SYT1: variants seen among roughly 807,000 people sequenced by gnomAD.
The protein encoded by SYT1 is synaptotagmin-1.
A neutral mutation model predicts 44.8 loss-of-function variants in SYT1; 8 were observed. The observed-to-expected ratio is 0.18, with a 90% CI of 0.10 to 0.32. SYT1 has a LOEUF of 0.32. SYT1 is among the 10% of genes least tolerant of loss of function. The pLI is 1.00. For missense variants in SYT1, 286 were observed against 509.3 expected, an observed-to-expected ratio of 0.56 and a Z score of 4.22; for synonymous variants, 154 against 188.8, an observed-to-expected ratio of 0.82 and a Z score of 1.51.
intron 2 of SYT1, among the ~76,000 whole-genome samples, chr12:79,043,211 A>G (rs1873727546): frequency 6.7e-6 from 1 of 149,460 alleles, no homozygotes; most frequent in South Asian, 2.2e-4. Context: ...GATCTGTCTA[A>G]TGTTGACAGT....
chr12:79,065,344 G>C (rs1179117190), intron 3 of SYT1, among the ~76,000 whole-genome samples: 1 of 152,144 alleles, frequency 6.6e-6, no homozygotes, highest in African/African-American at 2.4e-5. Context: ...TGAGCCTTTA[G>C]TGTGCCACTG....
chr12:79,133,271 C>T (rs1868970854), intron 3 of SYT1, among the ~76,000 whole-genome samples: 1 of 152,076 alleles, frequency 6.6e-6, no homozygotes, highest in Non-Finnish European at 1.5e-5. Flanking sequence ...GTAATCCCTG[C>T]ACTTTGGGAG....
chr12:79,445,142 A>T (rs1259442158), intron 10 of SYT1, among the ~76,000 whole-genome samples: 8 of 152,154 alleles, frequency 5.3e-5, no homozygotes, highest in Non-Finnish European at 1.0e-4. Context: ...AAAGGTCCAG[A>T]ATAACAAATA....
intron 2 of SYT1, among the ~76,000 whole-genome samples, chr12:79,039,417 T>C (rs1415871832): frequency 2.6e-5 from 4 of 151,996 alleles, no homozygotes; most frequent in South Asian, 2.1e-4. Context: ...ATCAGATAGA[T>C]GATGGAAGGT....
intron 1 of SYT1, among the ~76,000 whole-genome samples, chr12:78,913,101 A>G (rs1876436383): frequency 6.6e-6 from 1 of 151,892 alleles, no homozygotes; most frequent in Admixed American, 6.6e-5. Context: ...TTGATTTTCC[A>G]TTTAAAATTC....
chr12:78,908,994 G>C (rs1876151858), intron 1 of SYT1, among the ~76,000 whole-genome samples: 1 of 151,824 alleles, frequency 6.6e-6, no homozygotes, highest in Non-Finnish European at 1.5e-5. Context: ...ATCCCTGCAG[G>C]ACAAAGAGGG....
chr12:79,320,919 C>T (rs893229521), intron 8 of SYT1, among the ~76,000 whole-genome samples: 14 of 151,932 alleles, frequency 9.2e-5, no homozygotes, highest in Admixed American at 9.2e-4. Context: ...CCACACCTGG[C>T]CTCTCGGGTA....
chr12:79,406,676 A>T (rs1885255447), intron 9 of SYT1, among the ~76,000 whole-genome samples: 1 of 152,136 alleles, frequency 6.6e-6, no homozygotes, highest in Non-Finnish European at 1.5e-5. Context: ...TTAGAGTCAG[A>T]TTATCTGGGT....
At chr12:79,185,837 G>A (rs1872769763) in intron 3 of SYT1, among the ~76,000 whole-genome samples, 1 of 150,622 alleles carries the variant, frequency 6.6e-6, no homozygotes, top group Admixed American at 6.7e-5. Flanking sequence ...TTCCACTAAT[G>A]TCCATTAGAA....
chr12:79,219,412 A>G (rs187874654), intron 4 of SYT1, among the ~76,000 whole-genome samples: 2 of 152,148 alleles, frequency 1.3e-5, no homozygotes, highest in African/African-American at 2.4e-5. Flanking sequence ...GTCATATCCA[A>G]AAAGTTATTG....
chr12:79,329,910 TA>T (rs1345136267), intron 8 of SYT1, among the ~76,000 whole-genome samples: 1 of 152,208 alleles, frequency 6.6e-6, no homozygotes, highest in Non-Finnish European at 1.5e-5. Context: ...ATTCACTCCT[TA>T]AAATAATCCC....
At chr12:79,234,442 T>A (rs1876056814) in intron 4 of SYT1, among the ~76,000 whole-genome samples, 1 of 152,224 alleles carries the variant, frequency 6.6e-6, no homozygotes, top group Non-Finnish European at 1.5e-5. Context: ...TTATGGGCAG[T>A]TATTAATCTG....
intron 10 of SYT1, among the ~76,000 whole-genome samples, chr12:79,446,317 G>T (rs1870735534): frequency 6.6e-6 from 1 of 151,666 alleles, no homozygotes; most frequent in African/African-American, 2.4e-5. Context: ...TCTTTTTCAA[G>T]TTAACATTTT....
At chr12:78,975,943 T>TAAAACCATTAAATA (rs1287473709) in intron 1 of SYT1, among the ~76,000 whole-genome samples, 3 of 152,294 alleles carry the variant, frequency 2.0e-5, no homozygotes, top group Non-Finnish European at 4.4e-5. Context: ...CAGATAGCAG[T>TAAAACCATTAAATA]AGCTCAGGGC....
chr12:79,395,640 G>A (rs1884838010), intron 9 of SYT1, among the ~76,000 whole-genome samples: 1 of 151,856 alleles, frequency 6.6e-6, no homozygotes, highest in African/African-American at 2.4e-5. Flanking sequence ...TCCTGCCTTG[G>A]CCTCCCAAAG....
At chr12:79,054,563 G>A (rs1233228015) in intron 3 of SYT1, among the ~76,000 whole-genome samples, 1 of 151,834 alleles carries the variant, frequency 6.6e-6, no homozygotes, top group Non-Finnish European at 1.5e-5. Context: ...ACATTATCTG[G>A]ACTTATTTTC....
intron 1 of SYT1, among the ~76,000 whole-genome samples, chr12:78,893,899 C>T (rs1335608262): frequency 4.0e-5 from 6 of 151,650 alleles, no homozygotes; most frequent in Non-Finnish European, 2.9e-5. Context: ...AAGACCTCAA[C>T]TTTCAGTCTC....
chr12:79,040,994 G>A (rs1426092865), intron 2 of SYT1, among the ~76,000 whole-genome samples: 1 of 151,890 alleles, frequency 6.6e-6, no homozygotes, highest in Non-Finnish European at 1.5e-5. Flanking sequence ...TCTCTGTTTT[G>A]GTACCAGTAC....
intron 3 of SYT1, among the ~76,000 whole-genome samples, chr12:79,070,807 C>T (rs774606655): frequency 2.0e-5 from 3 of 151,970 alleles, no homozygotes; most frequent in Non-Finnish European, 4.4e-5. Context: ...CATTTATTCT[C>T]GAAACCTCAA....
Sources: allele counts gnomAD v4.1 joint callset (sites outside exome capture counted in the v4.1 genomes callset), GRCh38; gene constraint gnomAD v4.1.1; transcripts MANE v1.5; gene names NCBI Gene and HGNC (gene_info 2026-07-23, HGNC 2026-07-21).